The following STT3B variants were observed in gnomAD, a reference collection of about 807,000 sequenced individuals.
STT3B encodes dolichyl-diphosphooligosaccharide--protein glycosyltransferase subunit STT3B.
A neutral mutation model predicts 96.8 loss-of-function variants in STT3B; 29 were observed. The observed-to-expected ratio is 0.30, with a 90% CI of 0.22 to 0.41. The LOEUF is 0.41. STT3B is among the 10% of genes least tolerant of loss of function. The pLI, the probability that STT3B is intolerant of heterozygous loss-of-function variation, is 1.00. For synonymous variants in STT3B, 367 were observed against 360.0 expected, an observed-to-expected ratio of 1.02 and a Z score of -0.22; for missense variants, 640 against 1,022.3, an observed-to-expected ratio of 0.63 and a Z score of 5.10.
intron 1 of STT3B, among the ~76,000 whole-genome samples, chr3:31,534,587 A>G (rs986243168): frequency 6.6e-6 from 1 of 152,184 alleles, no homozygotes; most frequent in Non-Finnish European, 1.5e-5. Context: ...AACTATATAG[A>G]TAATAAGTGT....
chr3:31,588,234 G>C (rs1355094552), intron 3 of STT3B, among the ~76,000 whole-genome samples: 1 of 152,012 alleles, frequency 6.6e-6, no homozygotes, highest in African/African-American at 2.4e-5. Flanking sequence ...TAATAAGATA[G>C]TCACTGGCCG....
At chr3:31,578,688 C>G (rs1312949423) in intron 2 of STT3B, among the ~76,000 whole-genome samples, 3 of 152,044 alleles carry the variant, frequency 2.0e-5, no homozygotes, top group Non-Finnish European at 4.4e-5. Flanking sequence ...CTCCCCCTCC[C>G]CCTTTCTCCT....
intron 1 of STT3B, among the ~76,000 whole-genome samples, chr3:31,546,137 C>A (rs1575406689): frequency 1.3e-5 from 2 of 152,012 alleles, no homozygotes; most frequent in South Asian, 2.1e-4. Context: ...GGGGTATATA[C>A]CTGGGAGTGG....
At chr3:31,564,317 T>C (rs916178508) in intron 1 of STT3B, among the ~76,000 whole-genome samples, 15 of 152,202 alleles carry the variant, frequency 9.9e-5, no homozygotes, top group Admixed American at 2.0e-4. Context: ...TTATTAACTT[T>C]ACTATATATA....
At position 31,625,219 on chromosome 3, in the gene STT3B, T is replaced by C. The variant is rs1699510115; in HGVS notation, c.1899+134T>C. On this transcript the variant is annotated intron_variant, in intron 12 of 15. Coordinates refer to ENST00000295770, the MANE Select transcript of STT3B (RefSeq NM_178862.3). The stretch of plus-strand genomic sequence containing the variant: ...TTCTCAAAATACTTTTTTACACATA[T>C]GTTCAATAAAGTGAGTTCAAGGTGT... The C allele has an allele frequency of 2.1e-5, 15 of 715,464 alleles. No individual in the cohort carries two copies. The South Asian group carries it at 2.3e-4, about 11-fold the overall frequency. The allele number at this position is 715,464 out of a possible 1,614,324, so 44.3% of individuals were successfully genotyped here.
chr3:31,551,644 GTGTAACAACAAACTGT>G (rs1697563713), intron 1 of STT3B, among the ~76,000 whole-genome samples: 1 of 152,210 alleles, frequency 6.6e-6, no homozygotes, highest in African/African-American at 2.4e-5. Flanking sequence ...GTAGTCGTAT[GTGTAACAACAAACTGT>G]TATAGGTGGC....
At chr3:31,562,243 C>G (rs1445303891) in intron 1 of STT3B, among the ~76,000 whole-genome samples, 1 of 152,024 alleles carries the variant, frequency 6.6e-6, no homozygotes, top group Non-Finnish European at 1.5e-5. Flanking sequence ...CTCCCTGGAA[C>G]CTAAGTGTCT....
chr3:31,617,852 C>T lies in STT3B; in HGVS notation c.1124-88C>T. 6.6e-6 allele frequency: 6 copies of T among 907,320 alleles called. No individual in the cohort carries two copies. In the Admixed American group the frequency reaches 9.3e-5, roughly 14 times the overall value. The allele number at this position is 907,320 out of a possible 1,614,324, so 56.2% of individuals were successfully genotyped here. A position where few individuals can be genotyped will look rare whatever the true frequency, so the allele number is the denominator to read the frequency against. On this transcript the variant is annotated intron_variant, in intron 7 of 15. Coordinates refer to ENST00000295770, the MANE Select transcript of STT3B (RefSeq NM_178862.3). ...ATTCTTTGAACATTAGTTTGTCTAT[C>T]TATAATTAGCAATAAACATAAAGGC...
intron 1 of STT3B, among the ~76,000 whole-genome samples, chr3:31,564,808 G>T (rs1697962638): frequency 6.6e-6 from 1 of 152,168 alleles, no homozygotes; most frequent in Non-Finnish European, 1.5e-5. Context: ...TAATTTCAGT[G>T]AAAGAAGAGA....
intron 15 of STT3B, 37 bp downstream of exon 15, chr3:31,633,184 GGTGT>G (rs1428180430): frequency 6.4e-7 from 1 of 1,567,764 alleles, no homozygotes; most frequent in Admixed American, 1.8e-5. Context: ...GGTAACTTAA[GGTGT>G]GTTGGTTTGT....
chr3:31,594,738 T>G (rs1005686547), intron 3 of STT3B, among the ~76,000 whole-genome samples: 2 of 152,164 alleles, frequency 1.3e-5, no homozygotes, highest in African/African-American at 4.8e-5. Context: ...CAGGTTTGAT[T>G]AATGTGCTAG....
intron 1 of STT3B, among the ~76,000 whole-genome samples, chr3:31,565,570 T>C (rs1257162630): frequency 6.6e-6 from 1 of 152,186 alleles, no homozygotes; most frequent in Non-Finnish European, 1.5e-5. Context: ...AGTGGTTGAA[T>C]TGGTTAATAT....
chr3:31,608,314 A>G (rs1483150834), intron 5 of STT3B, among the ~76,000 whole-genome samples: 2 of 152,194 alleles, frequency 1.3e-5, no homozygotes, highest in African/African-American at 4.8e-5. Context: ...CACTGAAGCT[A>G]GTTATTGGGG....
intron 14 of STT3B, among the ~76,000 whole-genome samples, chr3:31,632,577 G>A (rs898802437): frequency 6.6e-6 from 1 of 151,880 alleles, no homozygotes; most frequent in African/African-American, 2.4e-5. Context: ...GATAGTGCAA[G>A]GCCCTGAAAC....
intron 4 of STT3B, among the ~76,000 whole-genome samples, 196 bp from the exon 5 acceptor site, chr3:31,600,164 G>T (rs1172836073): frequency 6.6e-6 from 1 of 152,042 alleles, no homozygotes; most frequent in Non-Finnish European, 1.5e-5. Flanking sequence ...TATTGGATTT[G>T]TGGGATCGTG....
intron 1 of STT3B, among the ~76,000 whole-genome samples, chr3:31,555,074 GA>G (rs1697671263): frequency 6.6e-6 from 1 of 152,140 alleles, no homozygotes; most frequent in Admixed American, 6.5e-5. Context: ...TAAGAATGAT[GA>G]AAAAGAAATA....
chr3:31,623,596 T>C, intron 10 of STT3B, 78 bp from the exon 11 acceptor site: 2 of 1,122,888 alleles, frequency 1.8e-6, no homozygotes, highest in Non-Finnish European at 2.5e-6. Context: ...AAACAGTCTC[T>C]CAACTTTTTC....
chr3:31,543,615 A>T (rs1406628195), intron 1 of STT3B, among the ~76,000 whole-genome samples: 6 of 152,236 alleles, frequency 3.9e-5, no homozygotes, highest in Admixed American at 3.9e-4. Context: ...GTAAGATCAC[A>T]TGTGCAGTGA....
At chr3:31,556,472 C>A (rs1697714255) in intron 1 of STT3B, among the ~76,000 whole-genome samples, 1 of 152,116 alleles carries the variant, frequency 6.6e-6, no homozygotes, top group Non-Finnish European at 1.5e-5. Flanking sequence ...TTGGAGAAAT[C>A]TCCACACTCT....
Sources: gnomAD v4.1 joint callset for allele counts (sites outside exome capture counted in the v4.1 genomes callset) on GRCh38, gnomAD v4.1.1 for gene constraint, MANE v1.5 for transcripts, NCBI Gene and HGNC (gene_info 2026-07-23, HGNC 2026-07-21) for gene names.